Variants in HNRNPC observed in about 807,000 individuals in gnomAD.
HNRNPC encodes the protein heterogeneous nuclear ribonucleoprotein C.
Under a neutral mutation model 33.2 loss-of-function variants are expected in HNRNPC, and 3 were observed. That is an observed-to-expected ratio of 0.09 (90% confidence interval 0.04 to 0.23). HNRNPC has a LOEUF of 0.23. Ranked by LOEUF, HNRNPC falls within the 10% of genes least tolerant of loss-of-function variation. The probability of loss-of-function intolerance (pLI) is 1.00; values close to 1 mark genes in which losing one functional copy is unlikely to be tolerated. For synonymous variants in HNRNPC, 121 were observed against 126.7 expected (o/e 0.96, Z 0.30); for missense variants, 143 against 366.7 (o/e 0.39, Z 4.98).
At chr14:21,250,881 A>G (rs937026453) in intron 2 of HNRNPC, among the ~76,000 whole-genome samples, 2 of 152,198 alleles carry the variant, frequency 1.3e-5, no homozygotes, top group Non-Finnish European at 2.9e-5. Context: ...GTGAGACTCT[A>G]TTCCTAGGTA....
chr14:21,268,005 G>A (rs1453573010), intron 1 of HNRNPC, among the ~76,000 whole-genome samples: 1 of 152,080 alleles, frequency 6.6e-6, no homozygotes, highest in Non-Finnish European at 1.5e-5. Context: ...CAAATAGATT[G>A]CCTTACAGAT....
chr14:21,231,141 T>C, intron 3 of HNRNPC, 69 bp from the exon 4 acceptor site: 1 of 1,475,314 alleles, frequency 6.8e-7, no homozygotes, highest in East Asian at 2.3e-5. Context: ...AAAGTTTATT[T>C]TTTTTATTTT....
chr14:21,255,752 T>G (rs1177626761), intron 2 of HNRNPC, among the ~76,000 whole-genome samples: 1 of 152,250 alleles, frequency 6.6e-6, no homozygotes, highest in South Asian at 2.1e-4. Context: ...TGTTAATTGT[T>G]TGGCATATGT....
intron 5 of HNRNPC, among the ~76,000 whole-genome samples, chr14:21,228,279 A>G (rs1237082184): frequency 1.3e-5 from 2 of 152,226 alleles, no homozygotes; most frequent in Non-Finnish European, 2.9e-5. Flanking sequence ...GCATTAGGTC[A>G]TTACCAAGGT....
chr14:21,213,224 C>A, intron 5 of HNRNPC, 107 bp from the exon 6 acceptor site: 3 of 1,177,182 alleles, frequency 2.5e-6, no homozygotes, highest in Non-Finnish European at 3.5e-6. Context: ...TAGTCGTTTC[C>A]TTTTATTAAA....
rs1393769346 is a variant in HNRNPC, at chr14:21,218,700, A to C, written c.366-5583T>G. ...CTCTCTCAAAAAAAAAAAAAAAAAA[A>C]AAAAAAAACTGAAATTGAGTCACAT... On this transcript the variant is annotated intron_variant, in intron 5 of 8. Coordinates refer to ENST00000553300, the MANE Select transcript of HNRNPC (RefSeq NM_004500.4). Among the ~76,000 whole-genome samples the C allele has an allele frequency of 2.0e-5, 3 of 149,180 alleles. 1 individual carries two copies. Among genetic ancestry groups the C allele is most frequent in the Non-Finnish European group, 3.0e-5 (2 of 67,352 alleles).
chr14:21,255,988 CAATGTGTTCAATACAGTTAAG>C (rs1469977711), intron 2 of HNRNPC, among the ~76,000 whole-genome samples: 3 of 152,084 alleles, frequency 2.0e-5, no homozygotes, highest in African/African-American at 7.2e-5. Flanking sequence ...GAAACATATC[CAATGTGTTCAATACAGTTAAG>C]AAGGCCAGTG....
At position 21,234,146 on chromosome 14, in the gene HNRNPC, G is replaced by A. The variant is rs1455728068; in HGVS notation, c.48C>T (p.Ser16=). 3.7e-6 allele frequency: 6 copies of A among 1,613,990 alleles called. No homozygotes were observed. Among genetic ancestry groups the A allele is most frequent in the African/African-American group, 2.7e-5 (2 of 74,912 alleles). ...TNKTDPRSMN[S]RVFIGNLNTL... ...TGTTGAGATTCCCAATGAATACACG[G>A]GAGTTCATGGAGCGAGGATCTGTCT... is the stretch of plus-strand genomic sequence containing the variant. Residue 16 remains serine (S), a synonymous_variant, in exon 3 of 9, where the codon TCC becomes TCT. Transcript: ENST00000553300.
intron 2 of HNRNPC, among the ~76,000 whole-genome samples, chr14:21,247,763 A>G (rs1896148997): frequency 6.6e-6 from 1 of 151,462 alleles, no homozygotes; most frequent in South Asian, 2.1e-4. Context: ...CAGCTTGACT[A>G]ACATGGTGAA....
At chr14:21,219,343 G>C (rs1892578093) in intron 5 of HNRNPC, among the ~76,000 whole-genome samples, 1 of 152,086 alleles carries the variant, frequency 6.6e-6, no homozygotes, top group Non-Finnish European at 1.5e-5. Flanking sequence ...AATCAAATCT[G>C]ATGTAGGAAT....
intron 4 of HNRNPC, 163 bp downstream of exon 4, chr14:21,230,834 T>C: frequency 1.4e-6 from 1 of 719,270 alleles, no homozygotes; most frequent in Non-Finnish European, 2.2e-6. Context: ...AACACAAAAA[T>C]AATAAAACCT....
At chr14:21,264,143 C>G (rs899256106) in intron 1 of HNRNPC, 2 of 152,032 alleles carry the variant, frequency 1.3e-5, no homozygotes, top group African/African-American at 2.4e-5. Context: ...ACCGGGCCAA[C>G]AAATAGAGAT....
intron 2 of HNRNPC, among the ~76,000 whole-genome samples, chr14:21,245,341 CA>C (rs1487410037): frequency 4.0e-5 from 6 of 151,898 alleles, no homozygotes; most frequent in African/African-American, 1.5e-4. Context: ...ACTAAAAATA[CA>C]AAAATTAGCC....
chr14:21,248,384 G>A (rs1160302993), intron 2 of HNRNPC, among the ~76,000 whole-genome samples: 1 of 152,158 alleles, frequency 6.6e-6, no homozygotes, highest in East Asian at 1.9e-4. Context: ...CTAGTGGCAT[G>A]CACTTTCTTT....
intron 5 of HNRNPC, among the ~76,000 whole-genome samples, chr14:21,228,337 G>A (rs1413366525): frequency 6.6e-6 from 1 of 152,218 alleles, no homozygotes; most frequent in Non-Finnish European, 1.5e-5. Flanking sequence ...TAAATGGGCT[G>A]AGTTCACTAG....
intron 2 of HNRNPC, among the ~76,000 whole-genome samples, chr14:21,237,736 A>G (rs1894866797): frequency 6.6e-6 from 1 of 152,142 alleles, no homozygotes; most frequent in Non-Finnish European, 1.5e-5. Context: ...TAGTAGTACA[A>G]TAGTTTAGAT....
chr14:21,222,926 C>T (rs1283377615), intron 5 of HNRNPC, among the ~76,000 whole-genome samples: 3 of 151,678 alleles, frequency 2.0e-5, no homozygotes, highest in Non-Finnish European at 2.9e-5. Context: ...ACCAGCTGGG[C>T]GTGATGGCTC....
chr14:21,235,641 C>T (rs908911474), intron 2 of HNRNPC, among the ~76,000 whole-genome samples: 3 of 152,164 alleles, frequency 2.0e-5, no homozygotes, highest in Admixed American at 6.5e-5. Flanking sequence ...AATCCACCAA[C>T]AGCCTTTCAG....
intron 2 of HNRNPC, among the ~76,000 whole-genome samples, chr14:21,258,608 T>C (rs925343277): frequency 1.3e-5 from 2 of 152,008 alleles, no homozygotes; most frequent in Admixed American, 1.3e-4. Flanking sequence ...ATGATTAAGT[T>C]AACACAAACT....
Sources: allele counts gnomAD v4.1 joint callset (sites outside exome capture counted in the v4.1 genomes callset), GRCh38; gene constraint gnomAD v4.1.1; transcripts MANE v1.5; gene names NCBI Gene and HGNC (gene_info 2026-07-23, HGNC 2026-07-21).